DLGAP2: variants seen among roughly 807,000 people sequenced by gnomAD.
DLGAP2 encodes the protein DLG associated protein 2, also known as disks large-associated protein 2.
DLGAP2 carries 26 observed loss-of-function variants against 100.3 expected under a neutral mutation model. The ratio of observed to expected loss-of-function variants is 0.26; its 90% CI spans 0.19 to 0.36. DLGAP2 has a LOEUF of 0.36. Ranked by LOEUF, DLGAP2 falls within the 10% of genes least tolerant of loss-of-function variation. DLGAP2 has a pLI of 1.00. For synonymous variants in DLGAP2, 886 were observed against 630.1 expected, an observed-to-expected ratio of 1.41 and a Z score of -6.08; for missense variants, 1,858 against 1,453.2, an observed-to-expected ratio of 1.28 and a Z score of -4.53.
In DLGAP2 at chr8:1,548,830, A is replaced by T. The variant is rs752165388; in HGVS notation, c.377A>T (p.Asp126Val). 3 of 1,579,976 alleles carry T rather than the reference A, an allele frequency of 1.9e-6. No homozygotes were observed. The South Asian group carries it at 3.4e-5, about 18-fold the overall frequency. Reference protein sequence around the residue: ...ARPPYLLSPADSCPGGRHRCS... With the variant: ...ARPPYLLSPAVSCPGGRHRCS... ...CCGCCCTACCTGCTGAGCCCCGCCG[A>T]CAGCTGCCCCGGGGGGCGCCACCGC... Residue 126 changes from aspartate (D) to valine (V), a missense_variant, in exon 5 of 15, where the codon GAC becomes GTC. Asp to Val is a radical substitution (Grantham distance 152). Coordinates refer to ENST00000637795, the MANE Select transcript of DLGAP2 (RefSeq NM_001346810.2).
rs1476054768 is a variant in DLGAP2 at position 840,666 on chromosome 8, C to T, written c.19-67246C>T. On this transcript the variant is annotated intron_variant, in intron 1 of 14. Coordinates refer to ENST00000637795, the MANE Select transcript of DLGAP2 (RefSeq NM_001346810.2). ...CTCCCTACACTCTGGATTCTGCGAGCGCGTCCACACGGTGCACACCTGTAT... is the reference window on the plus strand; with the variant it reads ...CTCCCTACACTCTGGATTCTGCGAGTGCGTCCACACGGTGCACACCTGTAT... 3.0e-5 allele frequency among the ~76,000 whole-genome samples: 4 copies of T among 133,154 alleles called. 1 individual carries two copies. The highest frequency in any genetic ancestry group is 4.9e-4 in the South Asian group (2 of 4,102). 87.4% of individuals were successfully genotyped at this position (133,154 alleles called of 152,430 possible).
At chr8:1,101,230 G>T (rs142206565) in intron 2 of DLGAP2, among the ~76,000 whole-genome samples, 30 of 152,288 alleles carry the variant, frequency 2.0e-4, no homozygotes, top group African/African-American at 7.2e-4. Context: ...ATGGAACTGG[G>T]AAAACAATTC....
chr8:786,226 A>G (rs1018428418), intron 1 of DLGAP2, among the ~76,000 whole-genome samples: 1 of 151,928 alleles, frequency 6.6e-6, no homozygotes, highest in Admixed American at 6.5e-5. Flanking sequence ...TCAGTAGCTC[A>G]TGGGGCCCAG....
intron 2 of DLGAP2, among the ~76,000 whole-genome samples, chr8:994,029 G>C (rs1248509197): frequency 6.6e-6 from 1 of 152,086 alleles, no homozygotes; most frequent in Non-Finnish European, 1.5e-5. Flanking sequence ...CTCTAGCAGT[G>C]CACTTAAACC....
rs1461045780 is a variant in DLGAP2 at position 744,983 on chromosome 8, C to CCAGGCCATCCCCACACCTGCCG, written c.18+7163_18+7184dup. ...AGCAGAGATGGCGGGAAGGGGTAGC[C>CCAGGCCATCCCCACACCTGCCG]CAGGCCATCCCCACACCTGCCGCAG... On this transcript the variant is annotated intron_variant, in intron 1 of 14. Coordinates refer to ENST00000637795, the MANE Select transcript of DLGAP2 (RefSeq NM_001346810.2). 3.7e-4 allele frequency among the ~76,000 whole-genome samples: 57 copies of CCAGGCCATCCCCACACCTGCCG among 152,248 alleles called. No individual in the cohort carries two copies. The South Asian group carries it at 4.8e-3, about 13-fold the overall frequency.
chr8:1,246,622 A>G (rs959750003), intron 2 of DLGAP2, among the ~76,000 whole-genome samples: 3 of 152,274 alleles, frequency 2.0e-5, no homozygotes, highest in Non-Finnish European at 4.4e-5. Context: ...ACCCAAGTTT[A>G]GTGAAGACAA....
At chr8:1,484,058 G>A (rs1364804236) in intron 3 of DLGAP2, among the ~76,000 whole-genome samples, 1 of 152,236 alleles carries the variant, frequency 6.6e-6, no homozygotes, top group Non-Finnish European at 1.5e-5. Flanking sequence ...CCATGTGGAG[G>A]CAGCTGGAAG....
intron 2 of DLGAP2, among the ~76,000 whole-genome samples, chr8:1,163,746 CGCCGCGGGTGCAGGACTTTCCT>C (rs941429751): frequency 2.6e-5 from 4 of 152,184 alleles, no homozygotes; most frequent in Admixed American, 2.0e-4. Context: ...GTAACGCGGC[CGCCGCGGGTGCAGGACTTTCCT>C]GCCTTCTGTT....
At chr8:1,158,682 C>T (rs775480045) in intron 2 of DLGAP2, among the ~76,000 whole-genome samples, 13 of 152,212 alleles carry the variant, frequency 8.5e-5, no homozygotes, top group Admixed American at 3.9e-4. Context: ...TAGTGAGTGA[C>T]GCCGTCCACG....
chr8:1,548,903 G>A lies in DLGAP2; in HGVS notation c.450G>A (p.Val150=), dbSNP rs745642553. The A allele has an allele frequency of 6.3e-7, 1 of 1,597,814 alleles. No individual in the cohort carries two copies. Among genetic ancestry groups the A allele is most frequent in the Non-Finnish European group, 8.5e-7 (1 of 1,178,752 alleles). ...ACTCGGAGTGCGTGATGATGCCGGT[G>A]GTGCTGGGCGACCACGTGTCCAGCA... ...SVHSECVMMP[V]VLGDHVSSST... is the part of the protein sequence containing the mutation. Residue 150 remains valine, a synonymous_variant, in exon 5 of 15, where the codon GTG becomes GTA. Transcript: ENST00000637795.
chr8:1,254,888 C>CGTGCTGTGTGTGTGCCCTCTGCTGCCCGG, intron 2 of DLGAP2, among the ~76,000 whole-genome samples: 2 of 128,832 alleles, frequency 1.6e-5, no homozygotes, highest in Middle Eastern at 7.9e-3. Context: ...CTCCTGCCCG[C>CGTGCTGTGTGTGTGCCCTCTGCTGCCCGG]GTGCTGTGTC....
rs373605705 is a variant in DLGAP2, at chr8:1,549,056, G to A, written c.603G>A (p.Pro201=). Residue 201 remains proline (P), a synonymous_variant, in exon 5 of 15, where the codon CCG becomes CCA. Coordinates refer to ENST00000637795, the MANE Select transcript of DLGAP2 (RefSeq NM_001346810.2). ...NLLDQFEKQL[P]LHRDGFHTLQ... is the part of the protein sequence containing the mutation. ...TGGACCAGTTCGAGAAGCAGCTGCC[G>A]CTGCACCGGGACGGCTTCCACACGC... is the stretch of plus-strand genomic sequence containing the variant. 85 of 1,590,986 alleles carry A rather than the reference G, an allele frequency of 5.3e-5. No homozygotes were observed. Among genetic ancestry groups the A allele is most frequent in the Non-Finnish European group, 6.6e-5 (78 of 1,173,172 alleles).
chr8:1,339,390 G>T (rs1563092717), intron 3 of DLGAP2, among the ~76,000 whole-genome samples: 1 of 151,386 alleles, frequency 6.6e-6, no homozygotes, highest in Non-Finnish European at 1.5e-5. Context: ...CAGGACCCTG[G>T]AGGGAATGCA....
intron 3 of DLGAP2, among the ~76,000 whole-genome samples, chr8:1,448,374 A>G (rs1237673953): frequency 6.6e-6 from 1 of 152,036 alleles, no homozygotes; most frequent in African/African-American, 2.4e-5. Context: ...CAGGTGGTTC[A>G]GTTTCCATGT....
At chr8:1,023,417 C>T (rs1440935746) in intron 2 of DLGAP2, among the ~76,000 whole-genome samples, 2 of 152,150 alleles carry the variant, frequency 1.3e-5, no homozygotes, top group Non-Finnish European at 2.9e-5. Flanking sequence ...CAGATTCTAA[C>T]TCCTGGGTTC....
At chr8:1,415,211 C>G (rs1373197751) in intron 3 of DLGAP2, among the ~76,000 whole-genome samples, 1 of 152,186 alleles carries the variant, frequency 6.6e-6, no homozygotes, top group Non-Finnish European at 1.5e-5. Flanking sequence ...GTGAACTTGA[C>G]TCCAGGCAGC....
intron 3 of DLGAP2, among the ~76,000 whole-genome samples, chr8:1,313,851 C>A (rs575750068): frequency 6.6e-6 from 1 of 152,270 alleles, no homozygotes; most frequent in East Asian, 1.9e-4. Context: ...ATCCCCCTCT[C>A]ATATTCATCA....
intron 3 of DLGAP2, among the ~76,000 whole-genome samples, chr8:1,351,579 T>C (rs376813130): frequency 1.6e-5 from 1 of 62,370 alleles, no homozygotes; most frequent in Non-Finnish European, 3.3e-5. Flanking sequence ...CCTGACTGTG[T>C]GTGGAAAGGA....
chr8:1,202,274 CTG>C (rs138052785), intron 2 of DLGAP2, among the ~76,000 whole-genome samples: 3,454 of 127,478 alleles, frequency 0.027, 138 homozygotes, highest in African/African-American at 0.094. Flanking sequence ...GTGTGTGTGT[CTG>C]TGGTGCATGT....
Sources: gnomAD v4.1 joint callset for allele counts (sites outside exome capture counted in the v4.1 genomes callset) on GRCh38, gnomAD v4.1.1 for gene constraint, MANE v1.5 for transcripts, NCBI Gene and HGNC (gene_info 2026-07-23, HGNC 2026-07-21) for gene names.